The following FER variants were observed in gnomAD, a reference collection of about 807,000 sequenced individuals.
FER encodes FER tyrosine kinase.
In FER, 63 loss-of-function variants were observed where a neutral mutation model predicts 111.0. The observed-to-expected ratio is 0.57, with a 90% CI of 0.46 to 0.70. The LOEUF (loss-of-function observed/expected upper bound fraction) is 0.70. Ranked by LOEUF, FER falls within the 30% of genes least tolerant of loss-of-function variation. The probability of loss-of-function intolerance (pLI) is 0.00; values close to 1 mark genes in which losing one functional copy is unlikely to be tolerated. For missense variants in FER, 914 were observed against 954.0 expected, an observed-to-expected ratio of 0.96 and a Z score of 0.55; for synonymous variants, 327 against 313.9, an observed-to-expected ratio of 1.04 and a Z score of -0.44.
intron 2 of FER, among the ~76,000 whole-genome samples, chr5:108,776,869 A>T (rs995456768): frequency 6.6e-6 from 1 of 152,210 alleles, no homozygotes; most frequent in Non-Finnish European, 1.5e-5. Context: ...TAGGATTTTT[A>T]CTAGTTTTGC....
At chr5:109,181,285 A>G (rs897697471) in intron 18 of FER, among the ~76,000 whole-genome samples, 1 of 152,200 alleles carries the variant, frequency 6.6e-6, no homozygotes, top group Non-Finnish European at 1.5e-5. Flanking sequence ...TATTAAGTCA[A>G]TCAGTTCTTT....
intron 17 of FER, among the ~76,000 whole-genome samples, chr5:109,132,482 G>T (rs1238802814): frequency 6.6e-6 from 1 of 152,094 alleles, no homozygotes; most frequent in Admixed American, 6.6e-5. Context: ...ACCCCAGCAG[G>T]TTCTGCTGTG....
At chr5:108,783,062 GCT>G (rs1000712831) in intron 2 of FER, among the ~76,000 whole-genome samples, 1 of 152,052 alleles carries the variant, frequency 6.6e-6, no homozygotes, top group Non-Finnish European at 1.5e-5. Flanking sequence ...TTTCAGTCTG[GCT>G]CTCTTTCTCT....
intron 14 of FER, among the ~76,000 whole-genome samples, chr5:109,038,543 G>A (rs1279961232): frequency 1.3e-5 from 2 of 151,864 alleles, no homozygotes; most frequent in Non-Finnish European, 2.9e-5. Context: ...TTTTCCCAAA[G>A]CATCGAATTG....
chr5:108,948,259 C>T (rs72789307), intron 11 of FER, among the ~76,000 whole-genome samples: 18,757 of 151,984 alleles, frequency 0.12, 1,226 homozygotes, highest in Middle Eastern at 0.15. Context: ...TCTAATGGAA[C>T]GCTTAGATCA....
At chr5:109,181,039 A>T in intron 18 of FER, 138 bp downstream of exon 18, 1 of 658,530 alleles carries the variant, frequency 1.5e-6, no homozygotes. Flanking sequence ...AGTGAATTTC[A>T]TACTTTTAAT....
chr5:109,025,046 G>A (rs971512897), intron 13 of FER, among the ~76,000 whole-genome samples: 6 of 152,074 alleles, frequency 3.9e-5, no homozygotes, highest in Non-Finnish European at 8.8e-5. Context: ...TTTGAAGTCA[G>A]GTAGCGTGAT....
At chr5:109,094,323 G>C (rs1747209384) in intron 16 of FER, among the ~76,000 whole-genome samples, 1 of 152,084 alleles carries the variant, frequency 6.6e-6, no homozygotes, top group Non-Finnish European at 1.5e-5. Flanking sequence ...TGGAATAATT[G>C]AGTAATACAG....
chr5:109,147,699 T>G (rs1457039740), intron 17 of FER, among the ~76,000 whole-genome samples: 1 of 151,588 alleles, frequency 6.6e-6, no homozygotes, highest in African/African-American at 2.4e-5. Context: ...GAATCTATGA[T>G]GTAACTTTTT....
intron 17 of FER, among the ~76,000 whole-genome samples, chr5:109,126,140 C>T (rs1386630902): frequency 6.6e-6 from 1 of 152,066 alleles, no homozygotes; most frequent in Non-Finnish European, 1.5e-5. Flanking sequence ...AATTGTAGTT[C>T]TTAGCTGTAA....
At chr5:108,960,426 A>G (rs966194018) in intron 13 of FER, among the ~76,000 whole-genome samples, 1 of 152,192 alleles carries the variant, frequency 6.6e-6, no homozygotes, top group African/African-American at 2.4e-5. Flanking sequence ...ACAGTTTTCT[A>G]TAATTATGAA....
At chr5:108,960,204 T>G (rs950817130) in intron 13 of FER, among the ~76,000 whole-genome samples, 1 of 152,190 alleles carries the variant, frequency 6.6e-6, no homozygotes, top group Admixed American at 6.5e-5. Flanking sequence ...CCAAGAATGC[T>G]GGTACCTAGT....
At chr5:108,856,315 A>C (rs1249173714) in intron 5 of FER, among the ~76,000 whole-genome samples, 1 of 152,182 alleles carries the variant, frequency 6.6e-6, no homozygotes, top group Non-Finnish European at 1.5e-5. Flanking sequence ...CAAACCATTA[A>C]GTATACAATG....
chr5:109,091,214 G>C (rs1490420398), intron 16 of FER, among the ~76,000 whole-genome samples: 1 of 152,212 alleles, frequency 6.6e-6, no homozygotes, highest in Non-Finnish European at 1.5e-5. Context: ...TCAGGACCTT[G>C]AGGGCAGTAC....
chr5:109,096,359 T>C (rs749370644), intron 16 of FER, among the ~76,000 whole-genome samples: 3 of 152,048 alleles, frequency 2.0e-5, no homozygotes, highest in Non-Finnish European at 4.4e-5. Flanking sequence ...TTCAAATTGC[T>C]AATACAGAAG....
chr5:109,073,293 G>A (rs1775971095), intron 16 of FER, among the ~76,000 whole-genome samples: 1 of 152,112 alleles, frequency 6.6e-6, no homozygotes, highest in Non-Finnish European at 1.5e-5. Flanking sequence ...TGAGATACTT[G>A]AGGAGCTACA....
intron 13 of FER, among the ~76,000 whole-genome samples, chr5:109,036,592 G>C (rs943918326): frequency 2.0e-5 from 3 of 151,718 alleles, no homozygotes; most frequent in African/African-American, 7.3e-5. Flanking sequence ...TATCAACCAG[G>C]ATACTCTTCC....
At chr5:108,819,954 T>C (rs962072741) in intron 3 of FER, 2 of 985,008 alleles carry the variant, frequency 2.0e-6, no homozygotes, top group African/African-American at 3.5e-5. Context: ...TTTAAAAAAA[T>C]ATTGAGCTGA....
intron 5 of FER, among the ~76,000 whole-genome samples, chr5:108,839,801 T>G (rs1332054150): frequency 6.6e-6 from 1 of 151,974 alleles, no homozygotes; most frequent in Non-Finnish European, 1.5e-5. Flanking sequence ...ATGGTCGCGA[T>G]CTCCTGACTT....
Sources: allele counts gnomAD v4.1 joint callset (sites outside exome capture counted in the v4.1 genomes callset), GRCh38; gene constraint gnomAD v4.1.1; transcripts MANE v1.5; gene names NCBI Gene and HGNC (gene_info 2026-07-23, HGNC 2026-07-21).